NIPAL2: variants seen among roughly 807,000 people sequenced by gnomAD.
The protein encoded by NIPAL2 is NIPA-like protein 2.
In NIPAL2, 43 loss-of-function variants were observed where a neutral mutation model predicts 48.9. The ratio of observed to expected loss-of-function variants is 0.88; its 90% CI spans 0.69 to 1.13. The LOEUF (loss-of-function observed/expected upper bound fraction) is 1.13, where lower values mean the gene tolerates loss of function less well. Among genes scored for constraint, NIPAL2 ranks in the 50% most tolerant of loss-of-function variants. NIPAL2 has a pLI of 0.00. For synonymous variants in NIPAL2, 167 were observed against 174.6 expected (o/e 0.96, Z 0.34); for missense variants, 446 against 461.4 (o/e 0.97, Z 0.31).
At chr8:98,239,831 G>A (rs908386416) in intron 3 of NIPAL2, among the ~76,000 whole-genome samples, 1 of 152,092 alleles carries the variant, frequency 6.6e-6, no homozygotes, top group African/African-American at 2.4e-5. Flanking sequence ...GCTGTGTTGA[G>A]CAAAAAGGCA....
At chr8:98,277,651 C>T (rs1039676214) in intron 1 of NIPAL2, among the ~76,000 whole-genome samples, 2 of 152,240 alleles carry the variant, frequency 1.3e-5, no homozygotes, top group African/African-American at 4.8e-5. Flanking sequence ...AATTTACATT[C>T]TGTCTGTATG....
At position 98,212,428 on chromosome 8, in the gene NIPAL2, A is replaced by C. The variant is rs756083612; in HGVS notation, c.632T>G (p.Leu211Arg). 4 of 1,589,296 alleles carry C rather than the reference A, an allele frequency of 2.5e-6. No homozygotes were observed. The highest frequency in any genetic ancestry group is 3.5e-6 in the Non-Finnish European group (4 of 1,158,102). ...ACCTAGAATTGCCACCAGGGTTAGC[A>C]GAATCACCATATGCTTCATTCCTTT... ...KRKGMKHMVILLTLVAILASL... is the reference protein window; with the variant it reads ...KRKGMKHMVIRLTLVAILASL... Residue 211 changes from leucine to arginine, a missense_variant, in exon 6 of 11, where the codon CTG becomes CGG. Transcript: ENST00000430223.
At chr8:98,281,436 G>C (rs1199394372) in intron 1 of NIPAL2, among the ~76,000 whole-genome samples, 3 of 152,076 alleles carry the variant, frequency 2.0e-5, no homozygotes, top group Non-Finnish European at 4.4e-5. Context: ...TAGCACAACA[G>C]GGTGACTACA....
chr8:98,293,516 C>T (rs1332963527), intron 1 of NIPAL2, among the ~76,000 whole-genome samples: 1 of 152,226 alleles, frequency 6.6e-6, no homozygotes. Context: ...TGTTGAGATA[C>T]CAGGGACACA....
chr8:98,208,875 C>G (rs991422040), intron 6 of NIPAL2, among the ~76,000 whole-genome samples: 2 of 152,162 alleles, frequency 1.3e-5, no homozygotes, highest in Non-Finnish European at 2.9e-5. Context: ...ATCAATCACA[C>G]AAGCAATATC....
At chr8:98,244,572 C>T (rs1004544206) in intron 3 of NIPAL2, among the ~76,000 whole-genome samples, 1 of 53,618 alleles carries the variant, frequency 1.9e-5, no homozygotes, top group Non-Finnish European at 3.7e-5. Context: ...AAGGGGGGTG[C>T]GCTGTGGTGA....
At chr8:98,215,535 T>TCA (rs1811530898) in intron 5 of NIPAL2, among the ~76,000 whole-genome samples, 1 of 152,222 alleles carries the variant, frequency 6.6e-6, no homozygotes, top group Non-Finnish European at 1.5e-5. Context: ...CAGAGCTTCC[T>TCA]GTTACGAATT....
At chr8:98,277,877 G>T (rs956563185) in intron 1 of NIPAL2, among the ~76,000 whole-genome samples, 4 of 152,110 alleles carry the variant, frequency 2.6e-5, no homozygotes, top group South Asian at 4.1e-4. Context: ...TTCATCCGTT[G>T]ATAGATATTT....
At chr8:98,207,646 G>A (rs928378722) in intron 6 of NIPAL2, among the ~76,000 whole-genome samples, 7 of 152,108 alleles carry the variant, frequency 4.6e-5, no homozygotes, top group African/African-American at 1.7e-4. Context: ...TGGAAAATGT[G>A]GGAAAGCCTG....
intron 1 of NIPAL2, among the ~76,000 whole-genome samples, chr8:98,286,581 G>C (rs992906808): frequency 6.6e-6 from 1 of 152,146 alleles, no homozygotes; most frequent in South Asian, 2.1e-4. Context: ...GTCCGAGACA[G>C]GTGGATCACC....
intron 4 of NIPAL2, among the ~76,000 whole-genome samples, chr8:98,224,163 A>C (rs1812035457): frequency 6.6e-6 from 1 of 152,168 alleles, no homozygotes; most frequent in Admixed American, 6.5e-5. Context: ...TTGAGTAGGC[A>C]ACACATGTAT....
chr8:98,193,504 T>G (rs1810394277), intron 10 of NIPAL2: 2 of 1,266,290 alleles, frequency 1.6e-6, no homozygotes, highest in African/African-American at 3.0e-5. Context: ...GCACTGAGCT[T>G]TGTGAAATAA....
At chr8:98,269,009 T>C (rs1375705061) in intron 1 of NIPAL2, among the ~76,000 whole-genome samples, 3 of 152,194 alleles carry the variant, frequency 2.0e-5, no homozygotes, top group Non-Finnish European at 4.4e-5. Context: ...TCTTTGCTCA[T>C]CGATAAAAAG....
intron 1 of NIPAL2, among the ~76,000 whole-genome samples, chr8:98,279,646 A>G (rs769380685): frequency 6.6e-6 from 1 of 152,228 alleles, no homozygotes; most frequent in Non-Finnish European, 1.5e-5. Flanking sequence ...AGTCTGAATC[A>G]CTATTTATCT....
At chr8:98,279,620 C>T (rs1050838850) in intron 1 of NIPAL2, among the ~76,000 whole-genome samples, 3 of 152,112 alleles carry the variant, frequency 2.0e-5, no homozygotes, top group African/African-American at 7.2e-5. Context: ...ATTTTGAGCC[C>T]AAGGCACCCA....
chr8:98,203,295 C>A, intron 7 of NIPAL2, 99 bp from the exon 8 acceptor site: 1 of 873,898 alleles, frequency 1.1e-6, no homozygotes, highest in South Asian at 1.4e-5. Context: ...GCTACAACTA[C>A]AAAGGGAAAG....
chr8:98,224,549 C>T (rs578139914), intron 4 of NIPAL2, among the ~76,000 whole-genome samples: 8 of 152,054 alleles, frequency 5.3e-5, no homozygotes, highest in Admixed American at 2.6e-4. Flanking sequence ...ACATATCCCT[C>T]CCTACTTCAC....
chr8:98,224,589 G>A (rs1017271369), intron 4 of NIPAL2, among the ~76,000 whole-genome samples: 1 of 151,686 alleles, frequency 6.6e-6, no homozygotes, highest in Non-Finnish European at 1.5e-5. Flanking sequence ...TTCCATGACT[G>A]TCCCTATCAA....
At chr8:98,270,002 C>A (rs955289183) in intron 1 of NIPAL2, among the ~76,000 whole-genome samples, 2 of 152,108 alleles carry the variant, frequency 1.3e-5, no homozygotes, top group African/African-American at 4.8e-5. Context: ...CATTCTGCTG[C>A]AAAGGACATG....
Sources: gnomAD v4.1 joint callset for allele counts (sites outside exome capture counted in the v4.1 genomes callset) on GRCh38, gnomAD v4.1.1 for gene constraint, MANE v1.5 for transcripts, NCBI Gene and HGNC (gene_info 2026-07-23, HGNC 2026-07-21) for gene names.